SPAM1: variants seen among roughly 807,000 people sequenced by gnomAD.
The protein encoded by SPAM1 is sperm adhesion molecule 1.
In SPAM1, 22 loss-of-function variants were observed where a neutral mutation model predicts 29.6. That is an observed-to-expected ratio of 0.74 (90% confidence interval 0.53 to 1.06). The LOEUF is 1.06. Among genes scored for constraint, SPAM1 ranks in the 50% least tolerant of loss-of-function variants. The pLI, the probability that SPAM1 is intolerant of heterozygous loss-of-function variation, is 0.00. For missense variants in SPAM1, 534 were observed against 604.0 expected (o/e 0.88, Z 1.21); for synonymous variants, 194 against 204.6 (o/e 0.95, Z 0.44).
At chr7:123,937,572 G>A (rs1032610739) in intron 1 of SPAM1, among the ~76,000 whole-genome samples, 1 of 127,390 alleles carries the variant, frequency 7.8e-6, no homozygotes, top group South Asian at 2.6e-4. Context: ...CTGCACTCCA[G>A]CCTGGGCAAC....
At chr7:123,957,879 T>C (rs1390970737) in intron 4 of SPAM1, among the ~76,000 whole-genome samples, 3 of 151,982 alleles carry the variant, frequency 2.0e-5, no homozygotes, top group Non-Finnish European at 2.9e-5. Context: ...CCAAGGTGGG[T>C]TGAATCTCTC....
At chr7:123,945,188 T>C (rs1808539791) in intron 1 of SPAM1, among the ~76,000 whole-genome samples, 1 of 152,170 alleles carries the variant, frequency 6.6e-6, no homozygotes, top group African/African-American at 2.4e-5. Context: ...TTCTATAACT[T>C]TCTTTACATC....
intron 1 of SPAM1, among the ~76,000 whole-genome samples, chr7:123,935,681 C>CCCAA (rs1269100785): frequency 6.6e-6 from 1 of 152,156 alleles, no homozygotes; most frequent in East Asian, 1.9e-4. Flanking sequence ...GGATTTAAAA[C>CCCAA]CCAAGTGTGT....
At chr7:123,942,558 A>T (rs1434826207) in intron 1 of SPAM1, among the ~76,000 whole-genome samples, 1 of 152,164 alleles carries the variant, frequency 6.6e-6, no homozygotes, top group Non-Finnish European at 1.5e-5. Context: ...TTTTTTAAAA[A>T]ATTGGCTTTG....
intron 1 of SPAM1, among the ~76,000 whole-genome samples, chr7:123,933,225 C>G (rs1012454526): frequency 6.6e-6 from 1 of 151,846 alleles, no homozygotes; most frequent in Non-Finnish European, 1.5e-5. Flanking sequence ...CCTCCTTGCC[C>G]CCGACCCCTG....
At position 123,959,913 on chromosome 7, in the gene SPAM1, A is replaced by G; in HGVS notation, c.1474A>G (p.Thr492Ala). ...TGCTTCACCCTCCACACTATCTGCC[A>G]CAATGTTCATTGTTAGTATTTTGTT... The part of the protein sequence containing the change: ...YNASPSTLSA[T>A]MFIVSILFLI... The change falls in exon 5 of 5, where the codon ACA becomes GCA. Residue 492 changes from threonine to alanine, a missense_variant. Coordinates refer to ENST00000682466, the MANE Select transcript of SPAM1 (RefSeq NM_153189.3). 1 of 1,612,172 alleles carries G rather than the reference A, an allele frequency of 6.2e-7. No individual in the cohort carries two copies. The highest frequency in any genetic ancestry group is 8.5e-7 in the Non-Finnish European group (1 of 1,179,256).
At chr7:123,937,322 C>T (rs958750849) in intron 1 of SPAM1, among the ~76,000 whole-genome samples, 3 of 152,140 alleles carry the variant, frequency 2.0e-5, no homozygotes, top group African/African-American at 7.2e-5. Context: ...ACACTTCAGG[C>T]CGGGCGCGGT....
At chr7:123,926,911 C>G (rs909569362) in intron 1 of SPAM1, among the ~76,000 whole-genome samples, 4 of 151,942 alleles carry the variant, frequency 2.6e-5, no homozygotes, top group African/African-American at 9.7e-5. Context: ...TAAAAGTGTG[C>G]CTGGCTCTTA....
intron 5 of SPAM1, among the ~76,000 whole-genome samples, chr7:123,965,436 T>G (rs973796862): frequency 2.0e-5 from 3 of 152,054 alleles, no homozygotes; most frequent in African/African-American, 7.2e-5. Flanking sequence ...TAGTTTTGGG[T>G]TTTACATGTA....
At chr7:123,950,259 C>T (rs1459990425) in intron 2 of SPAM1, among the ~76,000 whole-genome samples, 1 of 151,742 alleles carries the variant, frequency 6.6e-6, no homozygotes, top group Non-Finnish European at 1.5e-5. Context: ...CATTAAAAGA[C>T]ATTTAAATTT....
intron 2 of SPAM1, among the ~76,000 whole-genome samples, chr7:123,952,077 G>A (rs971452254): frequency 6.6e-6 from 1 of 152,000 alleles, no homozygotes; most frequent in African/African-American, 2.4e-5. Context: ...TAGTATTGAT[G>A]GTTGGTATTT....
In SPAM1 at chr7:123,959,554, C is replaced by A; in HGVS notation, c.1115C>A (p.Ala372Glu). 1 of 1,613,046 alleles carries A rather than the reference C, an allele frequency of 6.2e-7. No individual in the cohort carries two copies. The highest frequency in any genetic ancestry group is 8.5e-7 in the Non-Finnish European group (1 of 1,179,458). ...CCTTACATAATCAACGTCACACTAGCAGCCAAAATGTGTAGCCAAGTGCTT... is the reference window on the plus strand; with the variant it reads ...CCTTACATAATCAACGTCACACTAGAAGCCAAAATGTGTAGCCAAGTGCTT... ...LNPYIINVTL[A>E]AKMCSQVLCQ... The change falls in exon 5 of 5, where the codon GCA (alanine) becomes GAA (glutamate). Residue 372 changes from alanine to glutamate, a missense_variant. By Grantham distance (107) the Ala-to-Glu change is moderately radical. Coordinates refer to ENST00000682466, the MANE Select transcript of SPAM1 (RefSeq NM_153189.3).
chr7:123,947,380 C>A (rs529799355), intron 1 of SPAM1, among the ~76,000 whole-genome samples: 86 of 152,126 alleles, frequency 5.7e-4, no homozygotes, highest in Non-Finnish European at 9.7e-4. Flanking sequence ...AAAACCCCAT[C>A]TCTATAAAAA....
At chr7:123,960,721 A>G (rs1177652331), downstream of SPAM1, among the ~76,000 whole-genome samples, 1 of 151,868 alleles carries the variant, frequency 6.6e-6, no homozygotes, top group East Asian at 2.0e-4. Context: ...ACATATTCCA[A>G]ATCCATTCGG....
At chr7:123,926,469 T>C (rs1246544073) in intron 1 of SPAM1, among the ~76,000 whole-genome samples, 1 of 152,196 alleles carries the variant, frequency 6.6e-6, no homozygotes, top group Non-Finnish European at 1.5e-5. Flanking sequence ...GTATAGGACA[T>C]ACCTGTTGAT....
chr7:123,962,592 C>T (rs2077436538), downstream of SPAM1, among the ~76,000 whole-genome samples: 1 of 151,820 alleles, frequency 6.6e-6, no homozygotes, highest in Admixed American at 6.6e-5. Flanking sequence ...TTGCCTTGAC[C>T]AATGTCCTGT....
At chr7:123,949,022 A>T in intron 1 of SPAM1, among the ~76,000 whole-genome samples, 1 of 151,154 alleles carries the variant, frequency 6.6e-6, no homozygotes. Context: ...TACCTCAAAA[A>T]TCCTAATCTT....
intron 5 of SPAM1, among the ~76,000 whole-genome samples, chr7:123,968,474 A>G (rs1350859713): frequency 2.0e-5 from 3 of 152,100 alleles, no homozygotes; most frequent in South Asian, 2.1e-4. Context: ...CCTCAATCTG[A>G]CACTAAGTTC....
In SPAM1 at chr7:123,959,884, A is replaced by G. The variant is rs560673401; in HGVS notation, c.1445A>G (p.Tyr482Cys). 6 of 1,613,028 alleles carry G rather than the reference A, an allele frequency of 3.7e-6. No individual in the cohort carries two copies. Among genetic ancestry groups the G allele is most frequent in the East Asian group, 2.2e-5 (1 of 44,826 alleles). ...GAGACAGAAGAACCTCAAATTTTCT[A>G]CAATGCTTCACCCTCCACACTATCT... Reference protein sequence around the residue: ...PMETEEPQIFYNASPSTLSAT... With the variant: ...PMETEEPQIFCNASPSTLSAT... The change falls in exon 5 of 5, where the codon TAC (tyrosine) becomes TGC (cysteine). Residue 482 changes from tyrosine to cysteine, a missense_variant. Transcript: ENST00000682466.
Sources: allele counts gnomAD v4.1 joint callset (sites outside exome capture counted in the v4.1 genomes callset), GRCh38; gene constraint gnomAD v4.1.1; transcripts MANE v1.5; gene names NCBI Gene and HGNC (gene_info 2026-07-23, HGNC 2026-07-21).